MVB12B: variants seen among roughly 807,000 people sequenced by gnomAD.
MVB12B encodes ESCRT-I complex subunit MVB12B.
MVB12B carries 16 observed loss-of-function variants against 41.6 expected under a neutral mutation model. The ratio of observed to expected loss-of-function variants is 0.38; its 90% confidence interval spans 0.26 to 0.58. The LOEUF (loss-of-function observed/expected upper bound fraction) is 0.58, where lower values mean the gene tolerates loss of function less well. MVB12B is among the 20% of genes least tolerant of loss of function. The pLI is 0.62. For missense variants in MVB12B, 274 were observed against 380.2 expected (o/e 0.72, Z 2.32); for synonymous variants, 133 against 139.7 (o/e 0.95, Z 0.34).
chr9:126,360,909 G>A (rs1830013305), intron 2 of MVB12B, among the ~76,000 whole-genome samples: 1 of 152,016 alleles, frequency 6.6e-6, no homozygotes. Context: ...GCTTTCTTTT[G>A]ATTTGTGTTG....
At chr9:126,362,252 A>G (rs1416472612) in intron 2 of MVB12B, among the ~76,000 whole-genome samples, 1 of 152,182 alleles carries the variant, frequency 6.6e-6, no homozygotes, top group African/African-American at 2.4e-5. Context: ...ACCACTAGAT[A>G]TTGTCCCACA....
intron 9 of MVB12B, among the ~76,000 whole-genome samples, chr9:126,492,885 C>G (rs978947137): frequency 3.3e-5 from 5 of 152,176 alleles, no homozygotes; most frequent in African/African-American, 4.8e-5. Context: ...AGTTGAACAA[C>G]TTTTCAGGTG....
At chr9:126,360,052 G>A (rs1829987965) in intron 2 of MVB12B, among the ~76,000 whole-genome samples, 1 of 152,124 alleles carries the variant, frequency 6.6e-6, no homozygotes, top group African/African-American at 2.4e-5. Context: ...TCTAACATAA[G>A]CATTTAATGC....
chr9:126,385,186 G>A (rs949349628), intron 3 of MVB12B, among the ~76,000 whole-genome samples: 4 of 152,088 alleles, frequency 2.6e-5, no homozygotes, highest in Admixed American at 6.6e-5. Context: ...ATGTGCACCC[G>A]AAATTAATTT....
At chr9:126,334,249 G>A (rs1000212342) in intron 1 of MVB12B, among the ~76,000 whole-genome samples, 1 of 152,184 alleles carries the variant, frequency 6.6e-6, no homozygotes, top group African/African-American at 2.4e-5. Context: ...GGGGAAGATG[G>A]CAAGGTCAGC....
intron 7 of MVB12B, among the ~76,000 whole-genome samples, chr9:126,428,790 A>C (rs553148425): frequency 1.3e-5 from 2 of 152,168 alleles, no homozygotes; most frequent in South Asian, 4.2e-4. Context: ...TGTTCCTGAT[A>C]ACCACCAAGG....
At chr9:126,451,871 C>T (rs1384790395) in intron 7 of MVB12B, among the ~76,000 whole-genome samples, 1 of 152,170 alleles carries the variant, frequency 6.6e-6, no homozygotes, top group African/African-American at 2.4e-5. Context: ...TTAGGTTAGC[C>T]GTGTGACTGA....
intron 9 of MVB12B, among the ~76,000 whole-genome samples, chr9:126,495,213 G>T (rs1190079104): frequency 6.7e-6 from 1 of 148,932 alleles, no homozygotes; most frequent in East Asian, 2.0e-4. Context: ...AAAAATGAGA[G>T]AGAGAGAAAG....
At chr9:126,438,014 A>G (rs1832532609) in intron 7 of MVB12B, among the ~76,000 whole-genome samples, 1 of 152,238 alleles carries the variant, frequency 6.6e-6, no homozygotes, top group African/African-American at 2.4e-5. Context: ...AATAGAACAC[A>G]TTGCTCATTG....
intron 7 of MVB12B, among the ~76,000 whole-genome samples, chr9:126,447,553 AT>A (rs1274405377): frequency 1.3e-5 from 2 of 151,998 alleles, no homozygotes; most frequent in Non-Finnish European, 2.9e-5. Context: ...GACCTCTATA[AT>A]TTTTTGTTTT....
chr9:126,406,843 T>A (rs1831443390), intron 6 of MVB12B, among the ~76,000 whole-genome samples: 1 of 152,152 alleles, frequency 6.6e-6, no homozygotes, highest in African/African-American at 2.4e-5. Flanking sequence ...TTTTTTTTTT[T>A]ATTAAGTAAT....
At position 126,384,859 on chromosome 9, in the gene MVB12B, CAG is replaced by C; in HGVS notation, c.313-1700_313-1699del. Among the ~76,000 whole-genome samples, 3 of 122,404 alleles carry C rather than the reference CAG, an allele frequency of 2.5e-5. No individual in the cohort carries two copies. In the South Asian group the frequency reaches 7.8e-4, roughly 32 times the overall value. 80.3% of individuals were successfully genotyped at this position (122,404 alleles called of 152,430 possible). On this transcript the variant is annotated intron_variant, in intron 3 of 9. Transcript: ENST00000361171. ...ATTTTTTTTTTTTTTTTTTTTGAGA[CAG>C]AGTCTCACTCTATTGCCCAGGCTGA... is the stretch of plus-strand genomic sequence containing the variant.
In MVB12B at chr9:126,395,976, G is replaced by T; in HGVS notation, c.662+279G>T. On this transcript the variant is annotated intron_variant, in intron 6 of 9. Transcript: ENST00000361171. This position sits in a 1 kb window ranked among gnomAD's most constrained non-coding sequence, Gnocchi z 4.9. Reference sequence around the variant, plus strand: ...AATTGGCTCCCTATTCAAAAGAGCTGCTAGCTACACACAGACACGTGCTGT... The same window carrying T: ...AATTGGCTCCCTATTCAAAAGAGCTTCTAGCTACACACAGACACGTGCTGT... The T allele has an allele frequency of 8.0e-7, 1 of 1,245,106 alleles. No homozygotes were observed. The allele number at this position is 1,245,106 out of a possible 1,614,324, so 77.1% of individuals were successfully genotyped here.
At chr9:126,431,382 G>A (rs1832328262) in intron 7 of MVB12B, among the ~76,000 whole-genome samples, 1 of 152,198 alleles carries the variant, frequency 6.6e-6, no homozygotes, top group African/African-American at 2.4e-5. Context: ...GCAGCGTGAG[G>A]CTGCAACTTC....
Position 126,503,344 on chromosome 9 carries a change from C to A in MVB12B, c.*81C>A. On this transcript the variant is annotated 3_prime_UTR_variant, in exon 10 of 10. Transcript: ENST00000361171. The stretch of plus-strand genomic sequence containing the variant: ...GGCTGCTGCCCCCGCCTCCTCCTGC[C>A]GCCTCCGCCAGCCCTCCCTCCCACA... 1 of 1,182,682 alleles carries A rather than the reference C, an allele frequency of 8.5e-7. No homozygotes were observed. The highest frequency in any genetic ancestry group is 1.2e-6 in the Non-Finnish European group (1 of 833,178). 73.3% of individuals were successfully genotyped at this position (1,182,682 alleles called of 1,614,324 possible).
chr9:126,333,457 T>G lies in MVB12B; in HGVS notation c.81+6447T>G, dbSNP rs1211128482. ...TCTGGCTCTGTCACCCAGCCTGGAGTGCAGTGGCACCATCTCAGCTCACTG... is the reference window on the plus strand; with the variant it reads ...TCTGGCTCTGTCACCCAGCCTGGAGGGCAGTGGCACCATCTCAGCTCACTG... On this transcript the variant is annotated intron_variant, in intron 1 of 9. Coordinates refer to ENST00000361171, the MANE Select transcript of MVB12B (RefSeq NM_033446.3). This position sits in a 1 kb window ranked among gnomAD's most constrained non-coding sequence, Gnocchi z 4.7. Among the ~76,000 whole-genome samples the G allele has an allele frequency of 2.0e-5, 3 of 151,802 alleles. No individual in the cohort carries two copies.
Position 126,501,475 on chromosome 9 carries a change from C to T in MVB12B, c.874-1702C>T, listed in dbSNP as rs774150340. Among the ~76,000 whole-genome samples the T allele has an allele frequency of 1.8e-4, 27 of 152,356 alleles. No homozygotes were observed. In the Middle Eastern group the frequency reaches 0.014, roughly 77 times the overall value. Reference sequence around the variant, plus strand: ...GTTTGGGGGCCACATGTCTGCTCAGCCCACCGTGCACACGGGGACAGAGCC... The same window carrying T: ...GTTTGGGGGCCACATGTCTGCTCAGTCCACCGTGCACACGGGGACAGAGCC... On this transcript the variant is annotated intron_variant, in intron 9 of 9. Coordinates refer to ENST00000361171, the MANE Select transcript of MVB12B (RefSeq NM_033446.3).
chr9:126,370,891 C>G (rs1830317655), intron 2 of MVB12B, among the ~76,000 whole-genome samples: 1 of 152,166 alleles, frequency 6.6e-6, no homozygotes, highest in South Asian at 2.1e-4. Flanking sequence ...TTGTACATGT[C>G]CATCTATTTC....
At chr9:126,353,269 T>C (rs1250794797) in intron 2 of MVB12B, among the ~76,000 whole-genome samples, 1 of 152,212 alleles carries the variant, frequency 6.6e-6, no homozygotes, top group African/African-American at 2.4e-5. Context: ...GTTTTAATAG[T>C]GCAAGTATTA....
Sources: allele counts gnomAD v4.1 joint callset (sites outside exome capture counted in the v4.1 genomes callset), GRCh38; gene constraint gnomAD v4.1.1; non-coding constraint Gnocchi (gnomAD v3.1); transcripts MANE v1.5; gene names NCBI Gene and HGNC (gene_info 2026-07-23, HGNC 2026-07-21).